Variants in HPSE2 observed in about 807,000 individuals in gnomAD.
The protein encoded by HPSE2 is inactive heparanase-2.
In HPSE2, 38 loss-of-function variants were observed where a neutral mutation model predicts 60.5. The observed-to-expected ratio is 0.63, with a 90% CI of 0.48 to 0.82. The LOEUF (loss-of-function observed/expected upper bound fraction) is 0.82, where lower values mean the gene tolerates loss of function less well. Ranked by LOEUF, HPSE2 falls within the 40% of genes least tolerant of loss-of-function variation. HPSE2 has a pLI of 0.00. For synonymous variants in HPSE2, 295 were observed against 293.2 expected (o/e 1.01, Z -0.06); for missense variants, 713 against 740.4 (o/e 0.96, Z 0.43).
intron 2 of HPSE2, among the ~76,000 whole-genome samples, chr10:99,204,032 C>T (rs776649902): frequency 3.9e-5 from 6 of 152,174 alleles, no homozygotes; most frequent in Admixed American, 2.6e-4. Flanking sequence ...TAGACACAGA[C>T]TCCAGGCCTG....
At chr10:99,094,011 C>A (rs1843610802) in intron 3 of HPSE2, among the ~76,000 whole-genome samples, 1 of 151,958 alleles carries the variant, frequency 6.6e-6, no homozygotes, top group South Asian at 2.1e-4. Context: ...TTTACTCTTT[C>A]TTTATTGATA....
At chr10:99,305,261 A>G in the HPSE2 span, among the ~76,000 whole-genome samples, 1 of 152,184 alleles carries the variant, frequency 6.6e-6, no homozygotes, top group African/African-American at 2.4e-5. Context: ...GTGGAAGGCT[A>G]AAGAGCTAAT....
At chr10:98,893,258 G>A (rs1953389677) in intron 3 of HPSE2, among the ~76,000 whole-genome samples, 1 of 151,888 alleles carries the variant, frequency 6.6e-6, no homozygotes, top group Non-Finnish European at 1.5e-5. Context: ...GTAGAGACAG[G>A]GTTTCTCCAT....
intron 3 of HPSE2, among the ~76,000 whole-genome samples, chr10:98,854,366 TTTTG>T (rs1952256494): frequency 6.6e-6 from 1 of 152,188 alleles, no homozygotes; most frequent in Non-Finnish European, 1.5e-5. Flanking sequence ...TTTGTTTTTG[TTTTG>T]TTTTTCTTTT....
chr10:98,670,240 C>T (rs1450848396), intron 6 of HPSE2, among the ~76,000 whole-genome samples: 1 of 152,028 alleles, frequency 6.6e-6, no homozygotes, highest in East Asian at 1.9e-4. Flanking sequence ...GATGAAGAGA[C>T]ATTAAGGATT....
At chr10:99,098,940 A>G (rs1843827011) in intron 3 of HPSE2, among the ~76,000 whole-genome samples, 2 of 152,244 alleles carry the variant, frequency 1.3e-5, no homozygotes, top group South Asian at 2.1e-4. Flanking sequence ...TTAACATTAA[A>G]TATGCATTAT....
intron 3 of HPSE2, among the ~76,000 whole-genome samples, chr10:98,766,441 C>G (rs1950120327): frequency 6.6e-6 from 1 of 152,174 alleles, no homozygotes; most frequent in Non-Finnish European, 1.5e-5. Context: ...CATTTTGAGG[C>G]CAGCATTATC....
In HPSE2 at chr10:98,641,958, T is replaced by G; in HGVS notation, c.1005-18A>C. ...TGTAGCAACTGGAATAAAAATAAAA[T>G]AAGAATCAGATAAAATCTCAAGCAA... On this transcript the variant is annotated intron_variant, in intron 6 of 11. Transcript: ENST00000370552. 1 of 1,592,184 alleles carries G rather than the reference T, an allele frequency of 6.3e-7. No homozygotes were observed. The highest frequency in any genetic ancestry group is 8.6e-7 in the Non-Finnish European group (1 of 1,160,936).
chr10:98,975,032 T>C (rs1009099408), intron 3 of HPSE2, among the ~76,000 whole-genome samples: 2 of 152,220 alleles, frequency 1.3e-5, no homozygotes, highest in African/African-American at 4.8e-5. Flanking sequence ...GAATAACAAC[T>C]GTATGAAGCC....
At chr10:98,878,384 T>C (rs765469696) in intron 3 of HPSE2, among the ~76,000 whole-genome samples, 2 of 152,022 alleles carry the variant, frequency 1.3e-5, no homozygotes, top group African/African-American at 2.4e-5. Context: ...TGTGCATTGA[T>C]TGTTCTAAGT....
chr10:99,026,615 T>TCTGAAATGGATCTG (rs141786596), intron 3 of HPSE2, among the ~76,000 whole-genome samples: 1 of 152,072 alleles, frequency 6.6e-6, no homozygotes, highest in African/African-American at 2.4e-5. Context: ...GCACTACAGA[T>TCTGAAATGGATCTG]CAAATGGATC....
chr10:98,596,139 C>A (rs1261615109), intron 9 of HPSE2, among the ~76,000 whole-genome samples: 2 of 152,130 alleles, frequency 1.3e-5, no homozygotes, highest in Non-Finnish European at 2.9e-5. Context: ...CTATATGCAT[C>A]AGGAATATTG....
chr10:98,535,551 C>T (rs544684893), intron 9 of HPSE2, among the ~76,000 whole-genome samples: 1 of 152,186 alleles, frequency 6.6e-6, no homozygotes, highest in South Asian at 2.1e-4. Context: ...CTTAGGCAGG[C>T]AGTATACTCT....
the HPSE2 span, among the ~76,000 whole-genome samples, chr10:99,250,709 A>C: frequency 6.6e-6 from 1 of 152,198 alleles, no homozygotes; most frequent in East Asian, 1.9e-4. Context: ...GATCTCTCAA[A>C]ACCACACAAT....
intron 9 of HPSE2, among the ~76,000 whole-genome samples, chr10:98,587,253 C>T (rs1944964701): frequency 6.6e-6 from 1 of 152,140 alleles, no homozygotes; most frequent in Admixed American, 6.5e-5. Context: ...GTGAGTTTTT[C>T]AAAGGCAAAG....
intron 3 of HPSE2, among the ~76,000 whole-genome samples, chr10:99,108,273 G>C (rs961806688): frequency 1.3e-5 from 2 of 152,100 alleles, no homozygotes; most frequent in East Asian, 3.9e-4. Context: ...TATACTCTGA[G>C]AGATTAGAAG....
At chr10:99,282,536 G>T in the HPSE2 span, among the ~76,000 whole-genome samples, 6,133 of 152,062 alleles carry the variant, frequency 0.04, 190 homozygotes, top group Middle Eastern at 0.088. Context: ...ACAAATGTAC[G>T]GAATCCTCTA....
In HPSE2 at chr10:99,116,513, C is replaced by T. The variant is rs184526349; in HGVS notation, c.610+27725G>A. Among the ~76,000 whole-genome samples the T allele has an allele frequency of 2.8e-4, 42 of 152,160 alleles. No homozygotes were observed. In the East Asian group the frequency reaches 7.3e-3, roughly 27 times the overall value. On this transcript the variant is annotated intron_variant, in intron 3 of 11. Transcript: ENST00000370552. ...AATATTACTACCCACCTATCAATGA[C>T]GAGGATGCCAAGATTTCTAACACTG...
chr10:98,462,337 C>T (rs1033062272), intron 11 of HPSE2, among the ~76,000 whole-genome samples: 2 of 152,064 alleles, frequency 1.3e-5, no homozygotes, highest in Non-Finnish European at 2.9e-5. Context: ...TGCCACCACA[C>T]CTGGCTAATT....
Sources: allele counts gnomAD v4.1 joint callset (sites outside exome capture counted in the v4.1 genomes callset), GRCh38; gene constraint gnomAD v4.1.1; transcripts MANE v1.5; gene names NCBI Gene and HGNC (gene_info 2026-07-23, HGNC 2026-07-21).